The following C3orf49 variants were observed in gnomAD, a reference collection of about 807,000 sequenced individuals.
C3orf49 encodes putative uncharacterized protein C3orf49.
A neutral mutation model predicts 13.3 loss-of-function variants in C3orf49; 27 were observed. That is an observed-to-expected ratio of 2.02 (90% CI 1.49 to 2.79). The LOEUF (loss-of-function observed/expected upper bound fraction) is 2.79, where lower values mean the gene tolerates loss of function less well. Among genes scored for constraint, C3orf49 ranks in the 30% most tolerant of loss-of-function variants. The probability of loss-of-function intolerance (pLI) is 0.00; values close to 1 mark genes in which losing one functional copy is unlikely to be tolerated. For missense variants in C3orf49, 242 were observed against 134.2 expected (o/e 1.80, Z -3.97); for synonymous variants, 87 against 47.6 (o/e 1.83, Z -3.40).
At chr3:63,842,322 G>C (rs1559604466) in intron 5 of C3orf49, among the ~76,000 whole-genome samples, 1 of 152,186 alleles carries the variant, frequency 6.6e-6, no homozygotes, top group South Asian at 2.1e-4. Context: ...ACAAGTGTTG[G>C]TGAGGATGTG....
At chr3:63,845,473 T>G (rs1701871243) in intron 6 of C3orf49, among the ~76,000 whole-genome samples, 1 of 152,124 alleles carries the variant, frequency 6.6e-6, no homozygotes, top group Non-Finnish European at 1.5e-5. Flanking sequence ...CAGAGGGAAA[T>G]GTGCGTTACA....
upstream of C3orf49, among the ~76,000 whole-genome samples, chr3:63,816,530 G>T (rs937573601): frequency 2.6e-5 from 4 of 151,630 alleles, no homozygotes; most frequent in South Asian, 2.1e-4. Context: ...AGGTTGCAGT[G>T]AGCGTGGTGC....
chr3:63,818,907 A>G (rs1365505790), upstream of C3orf49, among the ~76,000 whole-genome samples: 1 of 152,236 alleles, frequency 6.6e-6, no homozygotes, highest in Non-Finnish European at 1.5e-5. Context: ...TGAGATGTCC[A>G]AACAACAACT....
At chr3:63,834,914 C>G (rs2107114695) in intron 5 of C3orf49, among the ~76,000 whole-genome samples, 2 of 152,186 alleles carry the variant, frequency 1.3e-5, no homozygotes, top group African/African-American at 4.8e-5. Context: ...AATCTATCAT[C>G]CTTGAATTTT....
chr3:63,842,264 A>G (rs1447278829), intron 5 of C3orf49, among the ~76,000 whole-genome samples: 1 of 152,242 alleles, frequency 6.6e-6, no homozygotes, highest in African/African-American at 2.4e-5. Context: ...ACAGTGAGAT[A>G]CTAGCTCACC....
chr3:63,784,963 G>C, the C3orf49 span: 1 of 151,770 alleles, frequency 6.6e-6, no homozygotes, highest in East Asian at 1.9e-4. Flanking sequence ...ATTCTTTAAT[G>C]CTGCAGATCT....
chr3:63,804,996 C>G, the C3orf49 span: 10 of 152,126 alleles, frequency 6.6e-5, no homozygotes, highest in African/African-American at 1.2e-4. Flanking sequence ...TTTTAAAGAC[C>G]TTGTGGTATC....
chr3:63,781,675 A>G, the C3orf49 span, among the ~76,000 whole-genome samples: 1 of 152,132 alleles, frequency 6.6e-6, no homozygotes, highest in African/African-American at 2.4e-5. Flanking sequence ...ATTGTGAGAG[A>G]GGCATTTGCT....
intron 5 of C3orf49, among the ~76,000 whole-genome samples, chr3:63,832,359 T>G (rs1009186563): frequency 1.3e-5 from 2 of 152,136 alleles, no homozygotes; most frequent in Non-Finnish European, 2.9e-5. Context: ...AATATCTTTT[T>G]TGAAAAACTG....
At chr3:63,830,421 G>T (rs1312866793) in intron 3 of C3orf49, among the ~76,000 whole-genome samples, 2 of 152,176 alleles carry the variant, frequency 1.3e-5, no homozygotes, top group Non-Finnish European at 2.9e-5. Flanking sequence ...GCAAAAGGTA[G>T]GACCCAGATG....
At chr3:63,846,110 TG>T in intron 6 of C3orf49, 1 of 382,290 alleles carries the variant, frequency 2.6e-6, no homozygotes, top group South Asian at 1.9e-5. Context: ...TTACCAAGGA[TG>T]GTAAAACTGA....
At chr3:63,794,866 C>G in the C3orf49 span, among the ~76,000 whole-genome samples, 1 of 152,098 alleles carries the variant, frequency 6.6e-6, no homozygotes, top group Non-Finnish European at 1.5e-5. Flanking sequence ...CTTCCTAGAA[C>G]TAAATTGAAA....
At position 63,840,500 on chromosome 3, in the gene C3orf49, A is replaced by C. The variant is rs150391880; in HGVS notation, c.850-4523A>C. ...CAGTAACTTGGGAGGCTGAGGTAGG[A>C]GGATCACTTGAGCCTCGGAGATCAA... On this transcript the variant is annotated intron_variant, in intron 5 of 6. Transcript: ENST00000295896. 3.3e-3 allele frequency among the ~76,000 whole-genome samples: 510 copies of C among 152,242 alleles called. 3 individuals are homozygous for C. Among genetic ancestry groups the C allele is most frequent in the African/African-American group, 0.012 (494 of 41,546 alleles).
chr3:63,819,108 G>A (rs1039599505), upstream of C3orf49, among the ~76,000 whole-genome samples: 1 of 152,018 alleles, frequency 6.6e-6, no homozygotes, highest in Admixed American at 6.6e-5. Context: ...TGTTGTTGTT[G>A]TTGTTGTTTG....
At chr3:63,795,312 C>T in the C3orf49 span, among the ~76,000 whole-genome samples, 1 of 152,224 alleles carries the variant, frequency 6.6e-6, no homozygotes, top group South Asian at 2.1e-4. Flanking sequence ...GTATTTGAAC[C>T]CAAGAAGATC....
chr3:63,846,923 T>G (rs546068867), intron 6 of C3orf49, among the ~76,000 whole-genome samples: 2 of 152,154 alleles, frequency 1.3e-5, no homozygotes, highest in African/African-American at 4.8e-5. Context: ...TCCCCAAGTA[T>G]TTCAGCTCCA....
In C3orf49 at chr3:63,845,152, C is replaced by G. The variant is rs1041202684; in HGVS notation, c.*30+70C>G. 6.5e-6 allele frequency: 4 copies of G among 612,028 alleles called. No homozygotes were observed. The African/African-American group carries it at 7.4e-5, about 11-fold the overall frequency. The allele number at this position is 612,028 out of a possible 1,614,324, so 37.9% of individuals were successfully genotyped here. ...TCATGTAGCCCTGAGGGTTAAGTCCCCCTCAGATCTGAGCTCTGCTCTCTT... is the reference window on the plus strand; with the variant it reads ...TCATGTAGCCCTGAGGGTTAAGTCCGCCTCAGATCTGAGCTCTGCTCTCTT... On this transcript the variant is annotated intron_variant, in intron 6 of 6. Transcript: ENST00000295896.
At chr3:63,787,701 C>G in the C3orf49 span, among the ~76,000 whole-genome samples, 1,608 of 152,262 alleles carry the variant, frequency 0.011, 21 homozygotes, top group African/African-American at 0.035. Flanking sequence ...GAGAAATTAA[C>G]TCTCTGTGGG....
chr3:63,789,105 C>T, the C3orf49 span, among the ~76,000 whole-genome samples: 10 of 152,120 alleles, frequency 6.6e-5, no homozygotes, highest in Admixed American at 4.6e-4. Context: ...GGGCGGCGGG[C>T]GAGCGGGCAT....
Sources: gnomAD v4.1 joint callset for allele counts (sites outside exome capture counted in the v4.1 genomes callset) on GRCh38, gnomAD v4.1.1 for gene constraint, MANE v1.5 for transcripts, NCBI Gene and HGNC (gene_info 2026-07-23, HGNC 2026-07-21) for gene names.